PCDH15: variants seen among roughly 807,000 people sequenced by gnomAD.
The protein encoded by PCDH15 is protocadherin-15.
In PCDH15, 129 loss-of-function variants were observed where a neutral mutation model predicts 178.5. That is an observed-to-expected ratio of 0.72 (90% confidence interval 0.63 to 0.84). The LOEUF is 0.84. PCDH15 is among the 40% of genes least tolerant of loss of function. The probability of loss-of-function intolerance (pLI) is 0.00; values close to 1 mark genes in which losing one functional copy is unlikely to be tolerated. For synonymous variants in PCDH15, 800 were observed against 732.0 expected (o/e 1.09, Z -1.50); for missense variants, 2,230 against 2,099.9 (o/e 1.06, Z -1.21).
Position 55,247,036 on chromosome 10 carries a change from T to A in PCDH15, c.-156+72563A>T, listed in dbSNP as rs372202910. Among the ~76,000 whole-genome samples, 3 of 152,160 alleles carry A rather than the reference T, an allele frequency of 2.0e-5. No homozygotes were observed. The East Asian group carries it at 5.8e-4, about 29-fold the overall frequency. ...AAGTTTAAGCACAAATATGCAAACA[T>A]AGATTCATACCTACCCCACATATTT... On this transcript the variant is annotated intron_variant, in intron 1 of 5. Transcript: ENST00000458638.
In PCDH15 at chr10:54,531,160, T is replaced by C. The variant is rs571287981; in HGVS notation, c.92-3283A>G. 2.6e-4 allele frequency among the ~76,000 whole-genome samples: 39 copies of C among 152,326 alleles called. No homozygotes were observed. The South Asian group carries it at 7.7e-3, about 30-fold the overall frequency. On this transcript the variant is annotated intron_variant, in intron 2 of 37. Transcript: ENST00000644397. ...AGGTGAGCTGCTGATACCTGTACCC[T>C]GGAAATGGACTTCCTTAATCTATTT...
At chr10:54,516,357 G>A (rs1442081137) in intron 3 of PCDH15, among the ~76,000 whole-genome samples, 1 of 152,118 alleles carries the variant, frequency 6.6e-6, no homozygotes, top group Non-Finnish European at 1.5e-5. Flanking sequence ...ATGCAGAGAA[G>A]TGCTTAAAGG....
intron 2 of PCDH15, among the ~76,000 whole-genome samples, chr10:55,384,113 A>G (rs535470118): frequency 7.9e-5 from 12 of 152,310 alleles, no homozygotes; most frequent in Middle Eastern, 3.4e-3. Flanking sequence ...GAATAACTGC[A>G]TATAAAACAG....
intron 1 of PCDH15, among the ~76,000 whole-genome samples, chr10:55,281,067 T>C (rs1842721054): frequency 6.6e-6 from 1 of 152,208 alleles, no homozygotes; most frequent in Non-Finnish European, 1.5e-5. Flanking sequence ...AGTAAAAGAA[T>C]ATCTGCAATG....
intron 5 of PCDH15, among the ~76,000 whole-genome samples, chr10:54,357,802 G>T (rs542888729): frequency 3.6e-4 from 55 of 152,088 alleles, no homozygotes; most frequent in African/African-American, 1.3e-3. Context: ...CATGGTACTG[G>T]TACCAAAACA....
chr10:54,465,584 A>G (rs2077464393), intron 3 of PCDH15, among the ~76,000 whole-genome samples: 1 of 151,924 alleles, frequency 6.6e-6, no homozygotes, highest in Admixed American at 6.6e-5. Flanking sequence ...ATGCATTTTT[A>G]TGGCTGAATA....
intron 2 of PCDH15, among the ~76,000 whole-genome samples, chr10:55,098,693 G>A (rs1238884809): frequency 1.3e-5 from 2 of 151,958 alleles, no homozygotes; most frequent in African/African-American, 2.4e-5. Flanking sequence ...CTATGTAAAC[G>A]TCACACCTGG....
At chr10:53,835,914 T>C (rs1334686880) in intron 29 of PCDH15, among the ~76,000 whole-genome samples, 2 of 152,144 alleles carry the variant, frequency 1.3e-5, no homozygotes, top group Non-Finnish European at 2.9e-5. Flanking sequence ...AGAATATTCC[T>C]TCATGGTGTA....
intron 3 of PCDH15, among the ~76,000 whole-genome samples, chr10:54,426,235 G>A (rs1317191123): frequency 6.6e-6 from 1 of 152,130 alleles, no homozygotes; most frequent in Non-Finnish European, 1.5e-5. Flanking sequence ...GTTTATACCA[G>A]TGGTCCCCAA....
At chr10:54,804,927 T>TTATATATATATATATATATATACATATA (rs1952752151), upstream of PCDH15, among the ~76,000 whole-genome samples, 1 of 50,848 alleles carries the variant, frequency 2.0e-5, no homozygotes, top group Non-Finnish European at 4.0e-5. Context: ...TCATAGTAGA[T>TTATATATATATATATATATATACATATA]TATATATATA....
chr10:53,922,841 C>T (rs2084115705), intron 25 of PCDH15, among the ~76,000 whole-genome samples: 1 of 152,126 alleles, frequency 6.6e-6, no homozygotes, highest in Non-Finnish European at 1.5e-5. Flanking sequence ...AATCCCAGCA[C>T]TTTGGGAGGC....
At chr10:54,431,788 C>A (rs901322682) in intron 3 of PCDH15, among the ~76,000 whole-genome samples, 3 of 151,930 alleles carry the variant, frequency 2.0e-5, no homozygotes, top group South Asian at 2.1e-4. Context: ...ACAAAGAGCA[C>A]CCCAACTGGA....
intron 2 of PCDH15, among the ~76,000 whole-genome samples, chr10:55,362,773 G>A (rs1845260683): frequency 1.3e-5 from 2 of 152,042 alleles, no homozygotes; most frequent in African/African-American, 4.8e-5. Context: ...TCCTTTAACA[G>A]CCATAGCTAC....
intron 2 of PCDH15, among the ~76,000 whole-genome samples, chr10:55,083,162 T>C (rs970694372): frequency 2.6e-5 from 4 of 151,440 alleles, no homozygotes; most frequent in Non-Finnish European, 4.4e-5. Flanking sequence ...AAAAAAACAC[T>C]AGCAAACAAA....
intron 3 of PCDH15, among the ~76,000 whole-genome samples, chr10:54,427,336 T>A (rs1418541988): frequency 1.5e-5 from 2 of 133,332 alleles, no homozygotes; most frequent in Admixed American, 8.6e-5. Context: ...TGGAGTACAA[T>A]GGCATGATCT....
intron 6 of PCDH15, among the ~76,000 whole-genome samples, chr10:54,330,671 A>T (rs1172242995): frequency 6.6e-6 from 1 of 151,900 alleles, no homozygotes; most frequent in Non-Finnish European, 1.5e-5. Context: ...GTAACATGGA[A>T]GTCATAAGGG....
chr10:54,055,185 TAA>T (rs1305002193), intron 18 of PCDH15, among the ~76,000 whole-genome samples: 17 of 152,186 alleles, frequency 1.1e-4, no homozygotes, highest in Admixed American at 9.2e-4. Flanking sequence ...TTTAAGTGCT[TAA>T]GACAGAAACA....
intron 3 of PCDH15, among the ~76,000 whole-genome samples, chr10:54,860,030 A>G (rs1334856128): frequency 6.6e-6 from 1 of 152,084 alleles, no homozygotes; most frequent in Non-Finnish European, 1.5e-5. Context: ...AGTGCTAAGC[A>G]AAAATGGTTT....
intron 2 of PCDH15, among the ~76,000 whole-genome samples, chr10:55,622,969 A>G (rs1350336439): frequency 1.3e-5 from 2 of 152,184 alleles, no homozygotes; most frequent in African/African-American, 4.8e-5. Context: ...ACCAAGACAG[A>G]GCATCTAACA....
Sources: gnomAD v4.1 joint callset for allele counts (sites outside exome capture counted in the v4.1 genomes callset) on GRCh38, gnomAD v4.1.1 for gene constraint, MANE v1.5 for transcripts, NCBI Gene and HGNC (gene_info 2026-07-23, HGNC 2026-07-21) for gene names.